The following ZNF419 variants were observed in gnomAD, a reference collection of about 807,000 sequenced individuals.
ZNF419 encodes zinc finger protein 419, also known as zinc finger protein 419A.
A neutral mutation model predicts 14.9 loss-of-function variants in ZNF419; 8 were observed. That is an observed-to-expected ratio of 0.54 (90% confidence interval 0.32 to 0.97). The LOEUF (loss-of-function observed/expected upper bound fraction) is 0.97, where lower values mean the gene tolerates loss of function less well. ZNF419 is among the 50% of genes least tolerant of loss of function. The pLI, the probability that ZNF419 is intolerant of heterozygous loss-of-function variation, is 0.04. For synonymous variants in ZNF419, 211 were observed against 205.3 expected (o/e 1.03, Z -0.24); for missense variants, 595 against 607.2 (o/e 0.98, Z 0.21).
Position 57,493,651 on chromosome 19 carries a change from A to G in ZNF419, c.1094A>G (p.His365Arg), listed in dbSNP as rs200518398. ...KSNLIKHWRV[H>R]TGERPYKCSD... ...AACCTTATCAAACATTGGCGTGTTC[A>G]TACTGGAGAAAGGCCTTACAAGTGC... Residue 365 changes from histidine to arginine, a missense_variant, in exon 5 of 5, where the codon CAT becomes CGT. Coordinates refer to ENST00000221735, the MANE Select transcript of ZNF419 (RefSeq NM_024691.4). The G allele has an allele frequency of 4.9e-5, 79 of 1,614,032 alleles. No individual in the cohort carries two copies. Among genetic ancestry groups the G allele is most frequent in the Non-Finnish European group, 6.4e-5 (76 of 1,179,966 alleles).
At chr19:57,489,950 A>G in intron 1 of ZNF419, 197 bp from the exon 2 acceptor site, 2 of 589,922 alleles carry the variant, frequency 3.4e-6, no homozygotes, top group Non-Finnish European at 6.1e-6. Context: ...TATTATTGCC[A>G]TGTTGCAGAT....
In ZNF419 at chr19:57,493,958, T is replaced by A. The variant is rs1428224074; in HGVS notation, c.1401T>A (p.Asn467Lys). The A allele has an allele frequency of 6.2e-7, 1 of 1,613,904 alleles. No individual in the cohort carries two copies. Among genetic ancestry groups the A allele is most frequent in the Non-Finnish European group, 8.5e-7 (1 of 1,180,014 alleles). ...CNECGRLFRE[N>K]SSLVKHQRVH... ...AATGTGGGAGATTGTTTAGAGAGAA[T>A]TCCAGCCTTGTTAAACATCAGAGGG... The change falls in exon 5 of 5, where the codon AAT becomes AAA. Residue 467 changes from asparagine (N) to lysine (K), a missense_variant. Asn to Lys is a moderately conservative substitution (Grantham distance 94). Transcript: ENST00000221735.
rs769390022 is a variant in ZNF419, at chr19:57,492,206, C to A, written c.293C>A (p.Pro98Gln). ...PAWEVVTSAIPRGCWHGAEAE... is the reference protein window; with the variant it reads ...PAWEVVTSAIQRGCWHGAEAE... The stretch of plus-strand genomic sequence containing the variant: ...TGGGAAGTTGTGACTTCAGCCATAC[C>A]GAGAGGTAGTTGGTGGGTGGAGCTC... Residue 98 changes from proline to glutamine, a missense_variant, in exon 4 of 5, where the codon CCG (proline) becomes CAG (glutamine). Coordinates refer to ENST00000221735, the MANE Select transcript of ZNF419 (RefSeq NM_024691.4). 1 of 1,613,884 alleles carries A rather than the reference C, an allele frequency of 6.2e-7. No individual in the cohort carries two copies. The highest frequency in any genetic ancestry group is 8.5e-7 in the Non-Finnish European group (1 of 1,179,976).
Position 57,492,992 on chromosome 19 carries a change from A to G in ZNF419, c.435A>G (p.Pro145=). 1 of 1,614,178 alleles carries G rather than the reference A, an allele frequency of 6.2e-7. No homozygotes were observed. The highest frequency in any genetic ancestry group is 8.5e-7 in the Non-Finnish European group (1 of 1,180,042). Residue 145 remains proline, a synonymous_variant, in exon 5 of 5, where the codon CCA becomes CCG. Transcript: ENST00000221735. Reference sequence around the variant, plus strand: ...TAAAAAGACAAGAGGGCAGGGTCCCAGTTTTGAGGAGTTGCAAAGTTCACC... The same window carrying G: ...TAAAAAGACAAGAGGGCAGGGTCCCGGTTTTGAGGAGTTGCAAAGTTCACC... ...KPLKRQEGRV[P]VLRSCKVHLS... is the part of the protein sequence containing the mutation.
chr19:57,493,048 T>C lies in ZNF419; in HGVS notation c.491T>C (p.Val164Ala). 1 of 1,613,938 alleles carries C rather than the reference T, an allele frequency of 6.2e-7. No homozygotes were observed. The highest frequency in any genetic ancestry group is 8.5e-7 in the Non-Finnish European group (1 of 1,179,970). Residue 164 changes from valine to alanine, a missense_variant, in exon 5 of 5, where the codon GTT (valine) becomes GCT (alanine). Transcript: ENST00000221735. ...LSEKSLQSRE[V>A]GKALLISSGV... ...GAGAAGTCCTTGCAAAGCAGGGAGG[T>C]TGGGAAGGCCCTCCTGATCAGCTCA...
Position 57,492,964 on chromosome 19 carries a change from C to T in ZNF419, c.407C>T (p.Pro136Leu). The T allele has an allele frequency of 1.2e-6, 2 of 1,614,182 alleles. No homozygotes were observed. Among genetic ancestry groups the T allele is most frequent in the Non-Finnish European group, 1.7e-6 (2 of 1,180,042 alleles). Residue 136 changes from proline to leucine, a missense_variant, in exon 5 of 5, where the codon CCC (proline) becomes CTC (leucine). Physicochemically the swap from Pro to Leu is moderately conservative, Grantham distance 98 (BLOSUM62 -3). Transcript: ENST00000221735. ...CAGAAGCAGCACTGTGGAGAGAAACCCTTAAAAAGACAAGAGGGCAGGGTC... is the reference window on the plus strand; with the variant it reads ...CAGAAGCAGCACTGTGGAGAGAAACTCTTAAAAAGACAAGAGGGCAGGGTC... ...QHQKQHCGEK[P>L]LKRQEGRVPV... is the part of the protein sequence containing the mutation.
In ZNF419 at chr19:57,488,627, T is replaced by C. The variant is rs534045083; in HGVS notation, c.33+644T>C. 2.0e-3 allele frequency: 312 copies of C among 152,218 alleles called. 1 individual carries two copies. Among genetic ancestry groups the C allele is most frequent in the Non-Finnish European group, 3.3e-3 (228 of 68,072 alleles). 9.4% of individuals were successfully genotyped at this position (152,218 alleles called of 1,614,324 possible). A position where few individuals can be genotyped will look rare whatever the true frequency, so the allele number is the denominator to read the frequency against. On this transcript the variant is annotated intron_variant, in intron 1 of 4. Coordinates refer to ENST00000221735, the MANE Select transcript of ZNF419 (RefSeq NM_024691.4). ...GAGATGGGTAAGGCTGTGCAGGGAG[T>C]AGGTTTTGGACATGGTAATCCTGAG...
chr19:57,492,755 C>T (rs779152140), intron 4 of ZNF419, 101 bp from the exon 5 acceptor site: 2 of 1,452,926 alleles, frequency 1.4e-6, no homozygotes, highest in East Asian at 2.3e-5. Flanking sequence ...CTGCTAGCAG[C>T]CCCAGGCACT....
At position 57,493,669 on chromosome 19, in the gene ZNF419, A is replaced by T; in HGVS notation, c.1112A>T (p.Tyr371Phe). ...CGTGTTCATACTGGAGAAAGGCCTT[A>T]CAAGTGCAGCGACTGTGGGAAATTT... ...HWRVHTGERP[Y>F]KCSDCGKFFT... The change falls in exon 5 of 5, where the codon TAC becomes TTC. Residue 371 changes from tyrosine to phenylalanine, a missense_variant. By Grantham distance (22) the Tyr-to-Phe change is conservative. Coordinates refer to ENST00000221735, the MANE Select transcript of ZNF419 (RefSeq NM_024691.4). 6.2e-7 allele frequency: 1 copy of T among 1,614,132 alleles called. No homozygotes were observed. Among genetic ancestry groups the T allele is most frequent in the Non-Finnish European group, 8.5e-7 (1 of 1,179,958 alleles).
chr19:57,492,729 C>A (rs2123208516), intron 4 of ZNF419, 127 bp from the exon 5 acceptor site: 1 of 1,316,028 alleles, frequency 7.6e-7, no homozygotes, highest in Non-Finnish European at 1.1e-6. Flanking sequence ...CTGCTGAGAG[C>A]TAGCCCTCTT....
Position 57,492,182 on chromosome 19 carries a change from G to A in ZNF419, c.269G>A (p.Trp90Ter), listed in dbSNP as rs746897563. Residue 90 changes from tryptophan (W) to a stop codon, truncating the protein, a stop_gained, in exon 4 of 5, where the codon TGG becomes TAG. Coordinates refer to ENST00000221735, the MANE Select transcript of ZNF419 (RefSeq NM_024691.4). LOFTEE classifies it low-confidence loss of function (END_TRUNC). ...ESWEEPFMPAWEVVTSAIPRG... is the reference protein window; with the variant it reads ...ESWEEPFMPA ...TGGGAGGAGCCCTTCATGCCTGCTT[G>A]GGAAGTTGTGACTTCAGCCATACCG... 2.4e-5 allele frequency: 38 copies of A among 1,613,794 alleles called. No homozygotes were observed. Among genetic ancestry groups the A allele is most frequent in the Non-Finnish European group, 2.8e-5 (33 of 1,179,998 alleles).
At chr19:57,491,399 G>T (rs527858360) in intron 2 of ZNF419, 72 bp from the exon 3 acceptor site, 1 of 1,594,988 alleles carries the variant, frequency 6.3e-7, no homozygotes, top group Non-Finnish European at 8.6e-7. Flanking sequence ...AGCAGGGGTG[G>T]ATGTTTAGGC....
rs200574247 is a variant in ZNF419 at position 57,491,590 on chromosome 19, C to T, written c.192C>T (p.Ala64=). The T allele has an allele frequency of 1.9e-6, 3 of 1,613,976 alleles. No individual in the cohort carries two copies. The highest frequency in any genetic ancestry group is 1.6e-4 in the Middle Eastern group (1 of 6,084). Residue 64 remains alanine, a synonymous_variant, in exon 3 of 5, where the codon GCC becomes GCT. Coordinates refer to ENST00000221735, the MANE Select transcript of ZNF419 (RefSeq NM_024691.4). The part of the protein sequence containing the change: ...NVMLENFTLL[A]SLGLASSKTH... ...TGCTGGAGAACTTTACACTTCTGGCCTCTCTGGGTAAGGTTCTCACACCCC... is the reference window on the plus strand; with the variant it reads ...TGCTGGAGAACTTTACACTTCTGGCTTCTCTGGGTAAGGTTCTCACACCCC...
rs2158011 is a variant in ZNF419, at chr19:57,488,002, T to A, written c.33+19T>A. ...CGCTCAGGTGAGCGCCGCGTCCTCC[T>A]GGCCTCCCCCGAATCCTAAAGCCCT... On this transcript the variant is annotated intron_variant, in intron 1 of 4. Transcript: ENST00000221735. 6.2e-7 allele frequency: 1 copy of A among 1,612,910 alleles called. No individual in the cohort carries two copies. The highest frequency in any genetic ancestry group is 8.5e-7 in the Non-Finnish European group (1 of 1,179,846).
At position 57,494,976 on chromosome 19, in the gene ZNF419, T is replaced by C. The variant is rs137971984; in HGVS notation, c.*886T>C. 3.3e-3 allele frequency: 510 copies of C among 153,108 alleles called. 5 individuals carry two copies. The highest frequency in any genetic ancestry group is 0.011 in the African/African-American group (470 of 41,620). 9.5% of individuals were successfully genotyped at this position (153,108 alleles called of 1,614,324 possible). ...TAGTTCTTAATTTGTATTTTTCCGA[T>C]GACTCAGTTTTGAGCATTTTTTAAT... On this transcript the variant is annotated 3_prime_UTR_variant, in exon 5 of 5. Coordinates refer to ENST00000221735, the MANE Select transcript of ZNF419 (RefSeq NM_024691.4).
rs772223834 is a variant in ZNF419 at position 57,491,537 on chromosome 19, G to T, written c.139G>T (p.Ala47Ser). The T allele has an allele frequency of 2.5e-6, 4 of 1,613,934 alleles. No individual in the cohort carries two copies. The highest frequency in any genetic ancestry group is 1.1e-5 in the South Asian group (1 of 91,062). The change falls in exon 3 of 5, where the codon GCT becomes TCT. Residue 47 changes from alanine to serine, a missense_variant. Ala to Ser is a moderately conservative substitution (Grantham distance 99). Transcript: ENST00000221735. ...SQEEWRLLDD[A>S]QRLLYRNVML... Reference sequence around the variant, plus strand: ...GGAGGAATGGAGATTGCTTGATGACGCTCAGAGGCTCCTCTACCGCAATGT... The same window carrying T: ...GGAGGAATGGAGATTGCTTGATGACTCTCAGAGGCTCCTCTACCGCAATGT...
chr19:57,492,666 C>A (rs370047992), intron 4 of ZNF419, 190 bp from the exon 5 acceptor site: 1 of 831,062 alleles, frequency 1.2e-6, no homozygotes, highest in East Asian at 2.4e-5. Flanking sequence ...GCTCATGAGG[C>A]CTCCCCAAAT....
chr19:57,491,696 C>T, intron 3 of ZNF419, 99 bp downstream of exon 3: 2 of 1,525,006 alleles, frequency 1.3e-6, no homozygotes, highest in Non-Finnish European at 1.8e-6. Flanking sequence ...GAACTGTGGG[C>T]ACTCATTCCT....
intron 1 of ZNF419, chr19:57,489,038 C>T (rs1460155355): frequency 6.6e-6 from 1 of 152,244 alleles, no homozygotes; most frequent in Non-Finnish European, 1.5e-5. Context: ...CATGTACAGT[C>T]CGTATGGACA....
Sources: allele counts gnomAD v4.1 joint callset, GRCh38; gene constraint gnomAD v4.1.1; transcripts MANE v1.5; gene names NCBI Gene and HGNC (gene_info 2026-07-23, HGNC 2026-07-21).